GALC: variants seen among roughly 807,000 people sequenced by gnomAD.
The protein encoded by GALC is galactocerebrosidase.
GALC carries 77 observed loss-of-function variants against 91.8 expected under a neutral mutation model. That is an observed-to-expected ratio of 0.84 (90% CI 0.70 to 1.01). The LOEUF is 1.01. GALC is among the 50% of genes least tolerant of loss of function. GALC has a pLI of 0.00. For synonymous variants in GALC, 357 were observed against 306.7 expected (o/e 1.16, Z -1.71); for missense variants, 882 against 855.9 (o/e 1.03, Z -0.38).
chr14:87,970,847 C>T (rs568627632), intron 7 of GALC, among the ~76,000 whole-genome samples: 8 of 126,688 alleles, frequency 6.3e-5, no homozygotes, highest in South Asian at 2.4e-4. Context: ...CCAGCCTGGG[C>T]GACAGAGGAC....
rs1339207049 is a variant in GALC at position 87,933,181 on chromosome 14, CA to C, written c.*1550del. The C allele has an allele frequency of 6.6e-6, 1 of 152,310 alleles. No individual in the cohort carries two copies. The highest frequency in any genetic ancestry group is 2.4e-5 in the African/African-American group (1 of 41,416). 9.4% of individuals were successfully genotyped at this position (152,310 alleles called of 1,614,324 possible). On this transcript the variant is annotated 3_prime_UTR_variant, in exon 17 of 17. Transcript: ENST00000261304. ...ATTATGCTGATGGAAAGAAACCATT[CA>C]TAAGAATACACAGTACATGACGCCG...
At position 87,934,702 on chromosome 14, in the gene GALC, C is replaced by T. The variant is rs764875556; in HGVS notation, c.*30G>A. The T allele has an allele frequency of 1.9e-6, 3 of 1,612,530 alleles. No individual in the cohort carries two copies. The South Asian group carries it at 3.3e-5, about 18-fold the overall frequency. ...AAAACCAAAAAGAAGGGAAGAAAAT[C>T]CAGAGTATTCTATGATGCCCTGTTA... On this transcript the variant is annotated 3_prime_UTR_variant, in exon 17 of 17. Coordinates refer to ENST00000261304, the MANE Select transcript of GALC (RefSeq NM_000153.4).
chr14:87,988,525 TAA>T lies in GALC; in HGVS notation c.196-4_196-3del, dbSNP rs561184126. On this transcript the variant is annotated splice_region_variant and splice_polypyrimidine_tract_variant and intron_variant, in intron 1 of 16. Transcript: ENST00000261304. The stretch of plus-strand genomic sequence containing the variant: ...ATTTACTAGAAGTCGGGAGGTTGCC[TAA>T]AAAAAAAAGTTTTCAAAAGTATGAA... 1.6e-5 allele frequency: 23 copies of T among 1,465,612 alleles called. No individual in the cohort carries two copies. Among genetic ancestry groups the T allele is most frequent in the African/African-American group, 4.3e-5 (3 of 70,484 alleles). The allele number at this position is 1,465,612 out of a possible 1,614,324, so 90.8% of individuals were successfully genotyped here. A position where few individuals can be genotyped will look rare whatever the true frequency, so the allele number is the denominator to read the frequency against.
intron 8 of GALC, 33 bp downstream of exon 8, chr14:87,968,302 G>T (rs775860364): frequency 1.9e-5 from 30 of 1,547,386 alleles, no homozygotes; most frequent in Admixed American, 7.5e-5. Context: ...AATTTTTTTT[G>T]ATAAGAACTC....
chr14:87,985,756 A>G (rs1886942098), intron 4 of GALC, among the ~76,000 whole-genome samples: 2 of 152,238 alleles, frequency 1.3e-5, no homozygotes, highest in South Asian at 2.1e-4. Flanking sequence ...TTCATTTCAA[A>G]TGATGAAAGT....
intron 10 of GALC, among the ~76,000 whole-genome samples, chr14:87,962,973 C>A (rs892346992): frequency 1.2e-4 from 19 of 152,130 alleles, no homozygotes; most frequent in African/African-American, 4.6e-4. Flanking sequence ...CCTACTCAAG[C>A]CCCTCAATCA....
At chr14:87,937,392 CTA>C (rs1225889942) in intron 16 of GALC, among the ~76,000 whole-genome samples, 1 of 120,540 alleles carries the variant, frequency 8.3e-6, no homozygotes, top group Non-Finnish European at 2.1e-5. Flanking sequence ...GCCTGACAGA[CTA>C]CTTTAGTGCA....
intron 16 of GALC, among the ~76,000 whole-genome samples, chr14:87,935,509 C>G (rs1404112482): frequency 6.6e-6 from 1 of 152,006 alleles, no homozygotes; most frequent in Non-Finnish European, 1.5e-5. Flanking sequence ...AGAAGGGAGG[C>G]ATCTATAAGG....
At chr14:87,962,969 C>CA (rs1264623757) in intron 10 of GALC, among the ~76,000 whole-genome samples, 6 of 152,116 alleles carry the variant, frequency 3.9e-5, no homozygotes, top group Non-Finnish European at 7.4e-5. Flanking sequence ...CCTTCCTACT[C>CA]AAGCCCCTCA....
chr14:87,965,757 C>G (rs1264054955), intron 8 of GALC, 128 bp from the exon 9 acceptor site: 1 of 911,182 alleles, frequency 1.1e-6, no homozygotes, highest in Non-Finnish European at 1.7e-6. Flanking sequence ...AAAGGATCAC[C>G]CAAAATAAGA....
chr14:87,988,111 A>T (rs1887047960), intron 3 of GALC, 33 bp downstream of exon 3: 3 of 1,529,660 alleles, frequency 2.0e-6, no homozygotes, highest in South Asian at 1.1e-5. Flanking sequence ...TAAAATGTTG[A>T]TGGGAGAAAT....
At chr14:87,951,058 C>T (rs1885287383) in intron 10 of GALC, among the ~76,000 whole-genome samples, 1 of 151,802 alleles carries the variant, frequency 6.6e-6, no homozygotes, top group Non-Finnish European at 1.5e-5. Flanking sequence ...AACTAAAATA[C>T]ATCAAATAAA....
At chr14:87,983,963 A>G (rs986547024) in intron 5 of GALC, among the ~76,000 whole-genome samples, 3 of 152,264 alleles carry the variant, frequency 2.0e-5, no homozygotes, top group Admixed American at 6.5e-5. Context: ...CCACAAACCC[A>G]AAACTATTTA....
chr14:87,982,835 A>T (rs989424619), intron 5 of GALC, among the ~76,000 whole-genome samples: 7 of 152,162 alleles, frequency 4.6e-5, no homozygotes, highest in Admixed American at 1.3e-4. Context: ...ACTGTTAATA[A>T]CAAGAGACGA....
chr14:87,979,656 A>C (rs1264090280), intron 6 of GALC, among the ~76,000 whole-genome samples: 1 of 152,242 alleles, frequency 6.6e-6, no homozygotes, highest in Non-Finnish European at 1.5e-5. Flanking sequence ...AATACTTTTA[A>C]TGTTTCCCTC....
intron 9 of GALC, among the ~76,000 whole-genome samples, chr14:87,963,962 C>G (rs890894229): frequency 6.6e-6 from 1 of 152,056 alleles, no homozygotes; most frequent in African/African-American, 2.4e-5. Flanking sequence ...CCTGAAAATG[C>G]ACTAAGCAAT....
chr14:87,970,313 C>T (rs1302619962), intron 7 of GALC, among the ~76,000 whole-genome samples: 2 of 152,010 alleles, frequency 1.3e-5, no homozygotes, highest in Non-Finnish European at 2.9e-5. Context: ...TACCAATAAT[C>T]AGTAGATGTT....
intron 10 of GALC, chr14:87,954,699 C>G: frequency 1.9e-6 from 3 of 1,552,522 alleles, no homozygotes; most frequent in Admixed American, 1.7e-5. Context: ...CTGTCATTTC[C>G]TATTACGGCA....
chr14:87,970,032 T>A (rs17687474), intron 7 of GALC, among the ~76,000 whole-genome samples: 17,193 of 152,208 alleles, frequency 0.11, 1,139 homozygotes, highest in Non-Finnish European at 0.16. Context: ...GCAATCATTG[T>A]TCTGGAACTA....
Sources: allele counts gnomAD v4.1 joint callset (sites outside exome capture counted in the v4.1 genomes callset), GRCh38; gene constraint gnomAD v4.1.1; transcripts MANE v1.5; gene names NCBI Gene and HGNC (gene_info 2026-07-23, HGNC 2026-07-21).